The following MAPKAP1 variants were observed in gnomAD, a reference collection of about 807,000 sequenced individuals.
The protein encoded by MAPKAP1 is MAPK associated protein 1.
MAPKAP1 carries 20 observed loss-of-function variants against 65.7 expected under a neutral mutation model. That is an observed-to-expected ratio of 0.30 (90% CI 0.21 to 0.44). The LOEUF is 0.44. Ranked by LOEUF, MAPKAP1 falls within the 20% of genes least tolerant of loss-of-function variation. The pLI is 1.00. For synonymous variants in MAPKAP1, 222 were observed against 244.3 expected (o/e 0.91, Z 0.85); for missense variants, 423 against 648.0 (o/e 0.65, Z 3.77).
At chr9:125,535,628 A>C (rs1038807400) in intron 7 of MAPKAP1, among the ~76,000 whole-genome samples, 4 of 152,224 alleles carry the variant, frequency 2.6e-5, no homozygotes, top group Non-Finnish European at 5.9e-5. Flanking sequence ...CGAGGCTTAG[A>C]GAGGTTAAGT....
At chr9:125,601,851 G>A (rs1485519894) in intron 4 of MAPKAP1, among the ~76,000 whole-genome samples, 1 of 152,168 alleles carries the variant, frequency 6.6e-6, no homozygotes, top group Admixed American at 6.5e-5. Flanking sequence ...CTACACCTCT[G>A]GTGACAGAGA....
At chr9:125,598,186 G>C (rs1336393445) in intron 4 of MAPKAP1, among the ~76,000 whole-genome samples, 1 of 151,858 alleles carries the variant, frequency 6.6e-6, no homozygotes, top group Admixed American at 6.6e-5. Context: ...TGGTAATACT[G>C]AATTTATAAA....
intron 4 of MAPKAP1, among the ~76,000 whole-genome samples, chr9:125,655,690 C>A (rs1834014829): frequency 6.6e-6 from 1 of 152,012 alleles, no homozygotes; most frequent in Admixed American, 6.6e-5. Flanking sequence ...CAGATGAGAA[C>A]AAGGGTTTAA....
At chr9:125,497,628 C>G (rs997012359) in intron 8 of MAPKAP1, among the ~76,000 whole-genome samples, 1 of 152,248 alleles carries the variant, frequency 6.6e-6, no homozygotes, top group Admixed American at 6.5e-5. Flanking sequence ...TCCATTTACA[C>G]ATGAAATCAG....
At chr9:125,496,736 C>T (rs1252529832) in intron 8 of MAPKAP1, among the ~76,000 whole-genome samples, 1 of 152,164 alleles carries the variant, frequency 6.6e-6, no homozygotes, top group Non-Finnish European at 1.5e-5. Context: ...TCCCTCTCTC[C>T]GTTTCTATTT....
chr9:125,645,766 G>C (rs1010428236), intron 4 of MAPKAP1, among the ~76,000 whole-genome samples: 21 of 146,178 alleles, frequency 1.4e-4, no homozygotes, highest in Non-Finnish European at 3.0e-4. Context: ...AAAGTACCAA[G>C]TTTCCTTGAC....
chr9:125,676,259 T>C (rs1834640492), intron 1 of MAPKAP1, among the ~76,000 whole-genome samples: 1 of 152,210 alleles, frequency 6.6e-6, no homozygotes, highest in African/African-American at 2.4e-5. Flanking sequence ...GGATTTGTTC[T>C]AAGGAGATAA....
chr9:125,504,855 CTT>C (rs1293079571), intron 8 of MAPKAP1, among the ~76,000 whole-genome samples: 2 of 152,048 alleles, frequency 1.3e-5, no homozygotes, highest in African/African-American at 4.8e-5. Context: ...GCAGCCTGAT[CTT>C]GTTTAGAGGG....
chr9:125,575,495 C>G (rs962893324), intron 5 of MAPKAP1, among the ~76,000 whole-genome samples: 11 of 152,158 alleles, frequency 7.2e-5, no homozygotes, highest in African/African-American at 2.2e-4. Context: ...CATGACTATA[C>G]CATGTATTGT....
chr9:125,477,631 T>C (rs1412009271), intron 9 of MAPKAP1, among the ~76,000 whole-genome samples: 2 of 152,244 alleles, frequency 1.3e-5, no homozygotes, highest in Admixed American at 1.3e-4. Flanking sequence ...CATTGGTTTC[T>C]GTGCTTTCCT....
chr9:125,561,411 G>A (rs942527114), intron 5 of MAPKAP1, among the ~76,000 whole-genome samples: 4 of 152,194 alleles, frequency 2.6e-5, no homozygotes, highest in Non-Finnish European at 4.4e-5. Flanking sequence ...CTGTAAATTT[G>A]CTAAATGGAT....
chr9:125,486,078 G>A (rs1454941291), intron 8 of MAPKAP1, among the ~76,000 whole-genome samples: 1 of 152,164 alleles, frequency 6.6e-6, no homozygotes, highest in Non-Finnish European at 1.5e-5. Context: ...CAACTGGTAT[G>A]CTCTCACTAA....
chr9:125,693,136 G>A (rs1835218478), intron 1 of MAPKAP1, among the ~76,000 whole-genome samples: 1 of 152,058 alleles, frequency 6.6e-6, no homozygotes, highest in Non-Finnish European at 1.5e-5. Flanking sequence ...AAACAGGCCG[G>A]GCACAGTGGC....
intron 4 of MAPKAP1, among the ~76,000 whole-genome samples, chr9:125,638,311 G>C (rs1833483508): frequency 6.6e-6 from 1 of 152,116 alleles, no homozygotes. Flanking sequence ...ATTTGGTCCT[G>C]AAACAAGAGT....
At chr9:125,683,406 T>A (rs1194190645) in intron 1 of MAPKAP1, among the ~76,000 whole-genome samples, 3 of 152,214 alleles carry the variant, frequency 2.0e-5, no homozygotes, top group Non-Finnish European at 2.9e-5. Flanking sequence ...CTTAGCCACC[T>A]GAAGAGAGCA....
At chr9:125,573,531 C>T (rs1466689659) in intron 5 of MAPKAP1, among the ~76,000 whole-genome samples, 2 of 152,278 alleles carry the variant, frequency 1.3e-5, no homozygotes, top group African/African-American at 4.8e-5. Context: ...TATGGAACAG[C>T]CATTCTTTCA....
At position 125,617,492 on chromosome 9, in the gene MAPKAP1, T is replaced by C. The variant is rs1832780569; in HGVS notation, c.499-31765A>G. ...AAATCTTTTTAAAAGTCTGTAAGTC[T>C]CTGCCAAGGGGTAATTCTTACACAT... is the stretch of plus-strand genomic sequence containing the variant. On this transcript the variant is annotated intron_variant, in intron 4 of 11. Coordinates refer to ENST00000265960, the MANE Select transcript of MAPKAP1 (RefSeq NM_001006617.3). Among the ~76,000 whole-genome samples, 3 of 152,214 alleles carry C rather than the reference T, an allele frequency of 2.0e-5. No homozygotes were observed. The East Asian group carries it at 5.8e-4, about 29-fold the overall frequency.
chr9:125,456,868 A>G (rs752448581), intron 10 of MAPKAP1, among the ~76,000 whole-genome samples: 2 of 149,984 alleles, frequency 1.3e-5, no homozygotes, highest in African/African-American at 2.5e-5. Flanking sequence ...ACCAAACTGT[A>G]AGACAGTAAA....
At chr9:125,455,820 T>C (rs371700250) in intron 10 of MAPKAP1, among the ~76,000 whole-genome samples, 6 of 152,266 alleles carry the variant, frequency 3.9e-5, no homozygotes, top group African/African-American at 1.4e-4. Flanking sequence ...TCTTGGTTCA[T>C]TCCATATCGT....
Sources: gnomAD v4.1 joint callset for allele counts (sites outside exome capture counted in the v4.1 genomes callset) on GRCh38, gnomAD v4.1.1 for gene constraint, MANE v1.5 for transcripts, NCBI Gene and HGNC (gene_info 2026-07-23, HGNC 2026-07-21) for gene names.